The following ITPRID2 variants were observed in gnomAD, a reference collection of about 807,000 sequenced individuals.
The protein encoded by ITPRID2 is protein ITPRID2.
Under a neutral mutation model 124.3 loss-of-function variants are expected in ITPRID2, and 60 were observed. The ratio of observed to expected loss-of-function variants is 0.48; its 90% CI spans 0.39 to 0.60. The LOEUF (loss-of-function observed/expected upper bound fraction) is 0.60. Ranked by LOEUF, ITPRID2 falls within the 20% of genes least tolerant of loss-of-function variation. ITPRID2 has a pLI of 0.00. For missense variants in ITPRID2, 1,553 were observed against 1,512.2 expected, an observed-to-expected ratio of 1.03 and a Z score of -0.45; for synonymous variants, 521 against 542.9, an observed-to-expected ratio of 0.96 and a Z score of 0.56.
chr2:181,892,353 C>A lies in ITPRID2; in HGVS notation c.211+76C>A. 7 of 1,449,846 alleles carry A rather than the reference C, an allele frequency of 4.8e-6. No individual in the cohort carries two copies. Among genetic ancestry groups the A allele is most frequent in the Non-Finnish European group, 6.4e-6 (7 of 1,088,420 alleles). 89.8% of individuals were successfully genotyped at this position (1,449,846 alleles called of 1,614,324 possible). The stretch of plus-strand genomic sequence containing the variant: ...TCTCGTGCGCCCTGGGCGCCTGCCA[C>A]GAGTTCTGGGAGAGCCTCGGGCACG... On this transcript the variant is annotated intron_variant, in intron 1 of 17. Coordinates refer to ENST00000431877, the MANE Select transcript of ITPRID2 (RefSeq NM_001130445.3). The surrounding 1 kb of genome is among the most constrained non-coding windows in gnomAD (Gnocchi z 5.2).
At chr2:181,908,337 T>A (rs1693317693) in intron 8 of ITPRID2, among the ~76,000 whole-genome samples, 1 of 152,348 alleles carries the variant, frequency 6.6e-6, no homozygotes, top group African/African-American at 2.4e-5. Context: ...TCCTAGAACA[T>A]AAATGCAGAG....
chr2:181,892,593 T>A lies in ITPRID2; in HGVS notation c.212-22T>A. On this transcript the variant is annotated intron_variant, in intron 1 of 17. Coordinates refer to ENST00000431877, the MANE Select transcript of ITPRID2 (RefSeq NM_001130445.3). The surrounding 1 kb of genome is among the most constrained non-coding windows in gnomAD (Gnocchi z 5.2). ...GTAGTGCTCCTGGGTGGTAACGTGC[T>A]GTCCCCTCTCTCTACCCCCAGGAAA... 1 of 1,614,152 alleles carries A rather than the reference T, an allele frequency of 6.2e-7. No homozygotes were observed. Among genetic ancestry groups the A allele is most frequent in the Non-Finnish European group, 8.5e-7 (1 of 1,179,996 alleles).
At chr2:181,920,510 A>C in intron 14 of ITPRID2, 87 bp from the exon 15 acceptor site, 1 of 966,276 alleles carries the variant, frequency 1.0e-6, no homozygotes, top group Non-Finnish European at 1.5e-6. Flanking sequence ...GTGATTTGAA[A>C]AAATATATAT....
rs1693998705 is a variant in ITPRID2, at chr2:181,915,893, G to A, written c.2253G>A (p.Val751=). The change falls in exon 11 of 18, where the codon GTG becomes GTA. Residue 751 remains valine (V), a synonymous_variant. Coordinates refer to ENST00000431877, the MANE Select transcript of ITPRID2 (RefSeq NM_001130445.3). ...PTTLLSPVRV[V]SSVNVRLSPG... ...CCTTATTGAGCCCAGTAAGGGTTGT[G>A]TCCTCTGTCAATGTTCGATTATCTC... 1 of 1,614,202 alleles carries A rather than the reference G, an allele frequency of 6.2e-7. No homozygotes were observed.
At position 181,918,465 on chromosome 2, in the gene ITPRID2, A is replaced by G. The variant is rs2125103855; in HGVS notation, c.2788-133A>G. 6 of 1,468,592 alleles carry G rather than the reference A, an allele frequency of 4.1e-6. No homozygotes were observed. In the South Asian group the frequency reaches 4.5e-5, roughly 11 times the overall value. 91.0% of individuals were successfully genotyped at this position (1,468,592 alleles called of 1,614,324 possible). A position where few individuals can be genotyped will look rare whatever the true frequency, so the allele number is the denominator to read the frequency against. On this transcript the variant is annotated intron_variant, in intron 11 of 17. Transcript: ENST00000431877. ...TGATTTCTTTTTTCCTGCTTACAAT[A>G]TGAAGGTTTTTTGGATCCTTTTGTC...
Position 181,916,005 on chromosome 2 carries a change from G to A in ITPRID2, c.2365G>A (p.Glu789Lys). ...EEQELEKRVMEHDGQSLVKST... is the reference protein window; with the variant it reads ...EEQELEKRVMKHDGQSLVKST... Reference sequence around the variant, plus strand: ...GCAGGAATTGGAAAAGCGGGTGATGGAACATGATGGTCAGTCTTTAGTTAA... The same window carrying A: ...GCAGGAATTGGAAAAGCGGGTGATGAAACATGATGGTCAGTCTTTAGTTAA... The change falls in exon 11 of 18, where the codon GAA becomes AAA. Residue 789 changes from glutamate (E) to lysine (K), a missense_variant. By Grantham distance (56) the Glu-to-Lys change is moderately conservative. Transcript: ENST00000431877. 1 of 1,614,176 alleles carries A rather than the reference G, an allele frequency of 6.2e-7. No homozygotes were observed.
rs1693484181 is a variant in ITPRID2 at position 181,910,116 on chromosome 2, T to C, written c.1486+145T>C. On this transcript the variant is annotated intron_variant, in intron 9 of 17. Coordinates refer to ENST00000431877, the MANE Select transcript of ITPRID2 (RefSeq NM_001130445.3). The surrounding 1 kb of genome is among the most constrained non-coding windows in gnomAD (Gnocchi z 4.1). ...ACAGGTAGGCATGATTCACTATTGT[T>C]TGTAGAACTTTTTTTGTATTTTTTA... The C allele has an allele frequency of 1.7e-6, 1 of 575,088 alleles. No homozygotes were observed. The highest frequency in any genetic ancestry group is 3.6e-5 in the Admixed American group (1 of 27,886). The allele number at this position is 575,088 out of a possible 1,614,324, so 35.6% of individuals were successfully genotyped here.
rs745903991 is a variant in ITPRID2 at position 181,913,867 on chromosome 2, T to C, written c.1509T>C (p.Ser503=). 1.2e-6 allele frequency: 2 copies of C among 1,613,270 alleles called. No homozygotes were observed. Among genetic ancestry groups the C allele is most frequent in the Non-Finnish European group, 1.7e-6 (2 of 1,179,616 alleles). ...TAGATCATCTGTTACGTACTGCAAG[T>C]CAGCATTCCGATAGCAGTGGTTTTG... ...SKRDHLLRTA[S]QHSDSSGFAE... is the part of the protein sequence containing the mutation. Residue 503 remains serine (S), a synonymous_variant, in exon 10 of 18, where the codon AGT becomes AGC. Transcript: ENST00000431877.
rs775134428 is a variant in ITPRID2, at chr2:181,901,967, G to A, written c.914G>A (p.Cys305Tyr). The A allele has an allele frequency of 1.9e-6, 3 of 1,613,832 alleles. No individual in the cohort carries two copies. Among genetic ancestry groups the A allele is most frequent in the South Asian group, 1.1e-5 (1 of 91,072 alleles). The change falls in exon 8 of 18, where the codon TGT (cysteine) becomes TAT (tyrosine). Residue 305 changes from cysteine (C) to tyrosine (Y), a missense_variant. Physicochemically the swap from Cys to Tyr is radical, Grantham distance 194. Transcript: ENST00000431877. ...LMKTLSKLNL[C>Y]VDKTEKGESS... ...AAAACACTCTCAAAACTGAATTTATGTGTTGATAAAACAGAGAAAGGAGAA... is the reference window on the plus strand; with the variant it reads ...AAAACACTCTCAAAACTGAATTTATATGTTGATAAAACAGAGAAAGGAGAA...
rs1559025783 is a variant in ITPRID2, at chr2:181,928,258, A to G, written c.3773A>G (p.Tyr1258Cys). ...SSKASNSKQD[Y>C]H is the part of the protein sequence containing the mutation. ...AAAGCGTCTAATTCTAAGCAAGATT[A>G]TCATTAAACAGAAATTATAGGTAAA... Residue 1258 changes from tyrosine (Y) to cysteine (C), a missense_variant, in exon 17 of 18, where the codon TAT (tyrosine) becomes TGT (cysteine). Tyr to Cys is a radical substitution (Grantham distance 194, BLOSUM62 -2). Coordinates refer to ENST00000431877, the MANE Select transcript of ITPRID2 (RefSeq NM_001130445.3). 1.3e-6 allele frequency: 2 copies of G among 1,533,266 alleles called. No individual in the cohort carries two copies. The highest frequency in any genetic ancestry group is 3.4e-4 in the Middle Eastern group (2 of 5,894). The allele number at this position is 1,533,266 out of a possible 1,614,324, so 95.0% of individuals were successfully genotyped here.
At chr2:181,898,959 G>T in intron 5 of ITPRID2, 40 bp downstream of exon 5, 1 of 1,592,514 alleles carries the variant, frequency 6.3e-7, no homozygotes, top group South Asian at 1.1e-5. Context: ...AAAAAATGAA[G>T]ACCTTTAATG....
intron 9 of ITPRID2, among the ~76,000 whole-genome samples, chr2:181,911,624 A>G (rs1693613596): frequency 6.6e-6 from 1 of 152,118 alleles, no homozygotes; most frequent in South Asian, 2.1e-4. Flanking sequence ...GAAATCATAT[A>G]TTGTATCTTT....
At position 181,919,518 on chromosome 2, in the gene ITPRID2, G is replaced by C; in HGVS notation, c.3144+72G>C. ...ATAATGTTCCAATAATTTAGGACGT[G>C]TGCCTTCATTTCAAGTCATTTATTT... On this transcript the variant is annotated intron_variant, in intron 14 of 17. Transcript: ENST00000431877. The surrounding 1 kb of genome is among the most constrained non-coding windows in gnomAD (Gnocchi z 4.2). The C allele has an allele frequency of 2.1e-6, 3 of 1,436,044 alleles. No individual in the cohort carries two copies. Among genetic ancestry groups the C allele is most frequent in the Non-Finnish European group, 2.8e-6 (3 of 1,089,998 alleles). The allele number at this position is 1,436,044 out of a possible 1,614,324, so 89.0% of individuals were successfully genotyped here.
intron 2 of ITPRID2, chr2:181,893,132 C>T (rs1317389175): frequency 5.9e-6 from 1 of 168,298 alleles, no homozygotes; most frequent in Non-Finnish European, 1.3e-5. Flanking sequence ...TTAAAACTAG[C>T]TAACTTTGTA....
At chr2:181,912,206 T>A (rs988885794) in intron 9 of ITPRID2, among the ~76,000 whole-genome samples, 5 of 152,352 alleles carry the variant, frequency 3.3e-5, no homozygotes, top group East Asian at 1.9e-4. Flanking sequence ...TATTCTCAGC[T>A]TATTCTAGGT....
chr2:181,914,710 A>G (rs1253800719), intron 10 of ITPRID2, among the ~76,000 whole-genome samples: 2 of 152,170 alleles, frequency 1.3e-5, no homozygotes, highest in African/African-American at 2.4e-5. Context: ...TGACTTGGGG[A>G]AAGTGTTCAG....
chr2:181,911,659 A>G (rs1233667010), intron 9 of ITPRID2, among the ~76,000 whole-genome samples: 3 of 152,104 alleles, frequency 2.0e-5, no homozygotes, highest in Admixed American at 1.3e-4. Context: ...ATCCTTTTTT[A>G]TAGTTCCATC....
In ITPRID2 at chr2:181,929,885, T is replaced by C. The variant is rs909856101; in HGVS notation, c.*338T>C. 13 of 308,284 alleles carry C rather than the reference T, an allele frequency of 4.2e-5. No individual in the cohort carries two copies. The highest frequency in any genetic ancestry group is 9.9e-5 in the South Asian group (1 of 10,134). 19.1% of individuals were successfully genotyped at this position (308,284 alleles called of 1,614,324 possible). On this transcript the variant is annotated 3_prime_UTR_variant, in exon 18 of 18. Coordinates refer to ENST00000431877, the MANE Select transcript of ITPRID2 (RefSeq NM_001130445.3). ...AGACTTATCCAACTTATAAATAACA[T>C]ATTTCTTCAGACTAACATCTTAAAA... is the stretch of plus-strand genomic sequence containing the variant.
chr2:181,922,353 G>C lies in ITPRID2; in HGVS notation c.3616G>C (p.Ala1206Pro), dbSNP rs751034397. Residue 1206 changes from alanine to proline, a missense_variant, in exon 16 of 18, where the codon GCT becomes CCT. Coordinates refer to ENST00000431877, the MANE Select transcript of ITPRID2 (RefSeq NM_001130445.3). ...GCATGGAAAACTCCCATCAATGCCA[G>C]CTGCTGAGGAAATGCATAAAAATGT... is the stretch of plus-strand genomic sequence containing the variant. ...EGHGKLPSMP[A>P]AEEMHKNVEQ... is the part of the protein sequence containing the mutation. The C allele has an allele frequency of 5.0e-6, 8 of 1,613,988 alleles. No homozygotes were observed. The highest frequency in any genetic ancestry group is 6.8e-6 in the Non-Finnish European group (8 of 1,180,034).
Sources: allele counts gnomAD v4.1 joint callset (sites outside exome capture counted in the v4.1 genomes callset), GRCh38; gene constraint gnomAD v4.1.1; non-coding constraint Gnocchi (gnomAD v3.1); transcripts MANE v1.5; gene names NCBI Gene and HGNC (gene_info 2026-07-23, HGNC 2026-07-21).